Variants in ASB9 observed in about 807,000 individuals in gnomAD.
The protein encoded by ASB9 is ankyrin repeat and SOCS box containing 9.
A neutral mutation model predicts 16.6 loss-of-function variants in ASB9; 5 were observed. That is an observed-to-expected ratio of 0.30 (90% CI 0.16 to 0.63). The LOEUF (loss-of-function observed/expected upper bound fraction) is 0.63. Ranked by LOEUF, ASB9 falls within the 30% of genes least tolerant of loss-of-function variation. ASB9 has a pLI of 0.82. For missense variants in ASB9, 216 were observed against 229.4 expected, an observed-to-expected ratio of 0.94 and a Z score of 0.38; for synonymous variants, 100 against 86.4, an observed-to-expected ratio of 1.16 and a Z score of -0.87.
chrX:15,262,540 C>G (rs1048211823), intron 1 of ASB9, among the ~76,000 whole-genome samples: 12 of 112,771 alleles, frequency 1.1e-4, no homozygotes, highest in African/African-American at 3.5e-4. Flanking sequence ...TATACAAGGA[C>G]TTTGACCTCA....
chrX:15,260,646 A>G (rs987915262), intron 1 of ASB9, among the ~76,000 whole-genome samples: 17 of 111,669 alleles, frequency 1.5e-4, no homozygotes, highest in Non-Finnish European at 3.8e-5. Flanking sequence ...CGCCAAACAC[A>G]CTACATACAA....
chrX:15,267,425 T>TTAAAAAAAAA (rs377056337), intron 1 of ASB9, among the ~76,000 whole-genome samples: 2 of 87,669 alleles, frequency 2.3e-5, no homozygotes, highest in African/African-American at 8.3e-5. Context: ...AAAATATATA[T>TTAAAAAAAAA]ATATATATAA....
chrX:15,265,054 G>C (rs1372569183), intron 1 of ASB9, among the ~76,000 whole-genome samples: 1 of 112,058 alleles, frequency 8.9e-6, no homozygotes, highest in Non-Finnish European at 1.9e-5. Flanking sequence ...CCAACTTACT[G>C]GTCCTACTTC....
chrX:15,269,944 T>TC lies in ASB9; in HGVS notation c.-71dup. The TC allele has an allele frequency of 1.2e-6, 1 of 840,691 alleles. No individual in the cohort carries two copies. The highest frequency in any genetic ancestry group is 2.0e-5 in the African/African-American group (1 of 48,963). 69.3% of individuals were successfully genotyped at this position (840,691 alleles called of 1,213,427 possible). On this transcript the variant is annotated 5_prime_UTR_variant, in exon 1 of 7. Coordinates refer to ENST00000380488, the MANE Select transcript of ASB9 (RefSeq NM_001031739.3). Reference sequence around the variant, plus strand: ...GCTCAGCAAAGTCCAAACTCCATGCTCCCCCTGCTCCTGAAAAATTCCAGT... The same window carrying TC: ...GCTCAGCAAAGTCCAAACTCCATGCTCCCCCCTGCTCCTGAAAAATTCCAGT...
At chrX:15,263,827 A>G (rs1167209553) in intron 1 of ASB9, among the ~76,000 whole-genome samples, 5 of 112,058 alleles carry the variant, frequency 4.5e-5, no homozygotes, top group African/African-American at 1.6e-4. Flanking sequence ...TTGCAAGGAT[A>G]GAAATATCTC....
chrX:15,269,814 C>T lies in ASB9; in HGVS notation c.61G>A (p.Gly21Ser). Residue 21 changes from glycine to serine, a missense_variant, in exon 1 of 7, where the codon GGC becomes AGC. Physicochemically the swap from Gly to Ser is moderately conservative, Grantham distance 56 (BLOSUM62 0). Transcript: ENST00000380488. ...AATGGGTTTGAAAGAAGCCTGATGCCAGGAAAGTCCCTTGGCCCCGCGGGC... is the reference window on the plus strand; with the variant it reads ...AATGGGTTTGAAAGAAGCCTGATGCTAGGAAAGTCCCTTGGCCCCGCGGGC... ...SKPAGPRDFP[G>S]IRLLSNPLMG... The T allele has an allele frequency of 8.3e-7, 1 of 1,208,437 alleles. No individual in the cohort carries two copies. Among genetic ancestry groups the T allele is most frequent in the Non-Finnish European group, 1.1e-6 (1 of 894,011 alleles).
chrX:15,258,778 T>C, intron 2 of ASB9, 88 bp downstream of exon 2: 1 of 720,177 alleles, frequency 1.4e-6, no homozygotes, highest in African/African-American at 2.1e-5. Context: ...ATTTAATGAA[T>C]TAATTTAAAA....
chrX:15,247,409 G>C (rs1272867694), intron 6 of ASB9, among the ~76,000 whole-genome samples: 1 of 111,861 alleles, frequency 8.9e-6, no homozygotes, highest in Non-Finnish European at 1.9e-5. Context: ...AAAGCCAGGG[G>C]AGGCAATTTG....
chrX:15,268,813 C>T (rs1431145800), intron 1 of ASB9, among the ~76,000 whole-genome samples: 1 of 64,230 alleles, frequency 1.6e-5, no homozygotes, highest in East Asian at 6.8e-4. Flanking sequence ...GACTCCGTCT[C>T]AAAAAGAAAA....
At chrX:15,261,089 C>T (rs1925934724) in intron 1 of ASB9, among the ~76,000 whole-genome samples, 1 of 111,651 alleles carries the variant, frequency 9.0e-6, no homozygotes, top group African/African-American at 3.3e-5. Flanking sequence ...GTCCTCACGG[C>T]ATTCTCTGAG....
At chrX:15,244,746 T>G (rs376203367) in intron 6 of ASB9, 116 bp from the exon 7 acceptor site, 7 of 783,712 alleles carry the variant, frequency 8.9e-6, no homozygotes, top group East Asian at 7.5e-5. Context: ...AATATTGAAC[T>G]ATTTAAGACC....
chrX:15,267,425 T>TTAAAAAAAA (rs377056337), intron 1 of ASB9, among the ~76,000 whole-genome samples: 1 of 87,666 alleles, frequency 1.1e-5, no homozygotes, highest in African/African-American at 4.1e-5. Flanking sequence ...AAAATATATA[T>TTAAAAAAAA]ATATATATAA....
chrX:15,268,512 G>A (rs1283136938), intron 1 of ASB9, among the ~76,000 whole-genome samples: 1 of 96,052 alleles, frequency 1.0e-5, no homozygotes, highest in African/African-American at 3.8e-5. Flanking sequence ...TGCAACCTCC[G>A]CCTCCCGGGT....
chrX:15,258,988 T>C (rs1925781415), intron 1 of ASB9, 43 bp from the exon 2 acceptor site: 1 of 1,047,795 alleles, frequency 9.5e-7, no homozygotes, highest in African/African-American at 1.8e-5. Flanking sequence ...GCTAATGCAC[T>C]TAGACCCAGA....
At chrX:15,257,286 G>GT (rs1925648748) in intron 2 of ASB9, among the ~76,000 whole-genome samples, 1 of 110,802 alleles carries the variant, frequency 9.0e-6, no homozygotes, top group Admixed American at 9.6e-5. Context: ...GCACATGCCT[G>GT]TAGTCCCAGC....
chrX:15,249,068 GGA>G, intron 5 of ASB9, 133 bp from the exon 6 acceptor site: 1 of 597,487 alleles, frequency 1.7e-6, no homozygotes, highest in East Asian at 3.8e-5. Context: ...TGGAAAAATG[GGA>G]GATGATGTGA....
chrX:15,244,694 A>T, intron 6 of ASB9, 64 bp from the exon 7 acceptor site: 1 of 1,031,448 alleles, frequency 9.7e-7, no homozygotes, highest in Non-Finnish European at 1.3e-6. Context: ...CTTTTTTTTA[A>T]AAAAAAAAAG....
chrX:15,266,880 G>A (rs1430573190), intron 1 of ASB9, among the ~76,000 whole-genome samples: 1 of 107,015 alleles, frequency 9.3e-6, no homozygotes, highest in Admixed American at 9.9e-5. Flanking sequence ...AGCTTGCAGT[G>A]AGCCAAGATT....
At position 15,254,825 on chromosome X, in the gene ASB9, A is replaced by T; in HGVS notation, c.194T>A (p.Ile65Asn). 2 of 1,210,128 alleles carry T rather than the reference A, an allele frequency of 1.7e-6. No individual in the cohort carries two copies. Among genetic ancestry groups the T allele is most frequent in the Non-Finnish European group, 1.1e-6 (1 of 894,329 alleles). Residue 65 changes from isoleucine to asparagine, a missense_variant, in exon 3 of 7, where the codon ATC becomes AAC. Ile to Asn is a moderately radical substitution (Grantham distance 149, BLOSUM62 -3). Transcript: ENST00000380488. ...GAGTGGGGAAACATGATCTGCCGTG[A>T]TGATGTTCACAGCCCACCCCTGAAG... ...LISQGWAVNI[I>N]TADHVSPLHE...
Sources: allele counts gnomAD v4.1 joint callset (sites outside exome capture counted in the v4.1 genomes callset), GRCh38; gene constraint gnomAD v4.1.1; transcripts MANE v1.5; gene names NCBI Gene and HGNC (gene_info 2026-07-23, HGNC 2026-07-21).